OXR1: variants seen among roughly 807,000 people sequenced by gnomAD.
OXR1 encodes oxidation resistance 1, also known as oxidation resistance protein 1.
A neutral mutation model predicts 104.6 loss-of-function variants in OXR1; 41 were observed. That is an observed-to-expected ratio of 0.39 (90% CI 0.31 to 0.51). The LOEUF (loss-of-function observed/expected upper bound fraction) is 0.51, where lower values mean the gene tolerates loss of function less well. Ranked by LOEUF, OXR1 falls within the 20% of genes least tolerant of loss-of-function variation. The pLI, the probability that OXR1 is intolerant of heterozygous loss-of-function variation, is 0.77. For synonymous variants in OXR1, 348 were observed against 348.4 expected, an observed-to-expected ratio of 1.00 and a Z score of 0.01; for missense variants, 955 against 1,031.9, an observed-to-expected ratio of 0.93 and a Z score of 1.02.
chr8:106,657,119 C>G (rs1320694259), intron 3 of OXR1, among the ~76,000 whole-genome samples: 3 of 152,112 alleles, frequency 2.0e-5, no homozygotes, highest in African/African-American at 7.2e-5. Context: ...ACTGTTCTTT[C>G]CCTGTCTAGG....
intron 2 of OXR1, among the ~76,000 whole-genome samples, chr8:106,417,361 C>A (rs1818720810): frequency 6.6e-6 from 1 of 152,100 alleles, no homozygotes; most frequent in Non-Finnish European, 1.5e-5. Context: ...ATGTACACTT[C>A]TTAAAACTAG....
chr8:106,360,301 T>C (rs895783606), intron 2 of OXR1, among the ~76,000 whole-genome samples: 2 of 152,208 alleles, frequency 1.3e-5, no homozygotes, highest in Non-Finnish European at 2.9e-5. Context: ...TTGACTTTTT[T>C]ATATAACGAG....
At chr8:106,490,842 C>T (rs1011653933) in intron 2 of OXR1, among the ~76,000 whole-genome samples, 3 of 151,926 alleles carry the variant, frequency 2.0e-5, no homozygotes, top group South Asian at 4.2e-4. Flanking sequence ...ATGGATTTGG[C>T]GTGTTTAGCG....
At position 106,440,290 on chromosome 8, in the gene OXR1, C is replaced by A. The variant is rs945619369; in HGVS notation, c.24-78653C>A. On this transcript the variant is annotated intron_variant, in intron 2 of 16. Coordinates refer to ENST00000517566, the MANE Select transcript of OXR1 (RefSeq NM_001198533.2). ...AGAAAAGAGTGCAATATTTTCTGGA[C>A]AGTTGTGCTCAGTGCTGCCATATGG... Among the ~76,000 whole-genome samples the A allele has an allele frequency of 2.6e-5, 4 of 152,214 alleles. No individual in the cohort carries two copies. The East Asian group carries it at 7.7e-4, about 29-fold the overall frequency.
intron 11 of OXR1, among the ~76,000 whole-genome samples, chr8:106,718,485 TGTGTAAAGGA>T: frequency 6.6e-6 from 1 of 152,186 alleles, no homozygotes; most frequent in Non-Finnish European, 1.5e-5. Flanking sequence ...CTGCTCACGA[TGTGTAAAGGA>T]CTGAATTTCC....
chr8:106,479,758 A>G (rs1822004388), intron 2 of OXR1, among the ~76,000 whole-genome samples: 1 of 152,078 alleles, frequency 6.6e-6, no homozygotes, highest in Admixed American at 6.6e-5. Context: ...TTTAATCAAT[A>G]TTCACATCTG....
At chr8:106,328,813 C>T (rs1454982424) in intron 1 of OXR1, among the ~76,000 whole-genome samples, 7 of 152,152 alleles carry the variant, frequency 4.6e-5, no homozygotes, top group Admixed American at 4.6e-4. Flanking sequence ...ATTTCTTATT[C>T]CAGAGTCAAT....
intron 1 of OXR1, among the ~76,000 whole-genome samples, chr8:106,347,054 A>G (rs1057403525): frequency 6.6e-6 from 1 of 152,182 alleles, no homozygotes; most frequent in East Asian, 1.9e-4. Context: ...AAGAAAAGAA[A>G]AACAAAAAAG....
At chr8:106,575,459 A>T (rs926676045) in intron 3 of OXR1, among the ~76,000 whole-genome samples, 6 of 152,144 alleles carry the variant, frequency 3.9e-5, no homozygotes, top group African/African-American at 1.4e-4. Context: ...TTGATGACTG[A>T]TGAGACCTCC....
intron 11 of OXR1, among the ~76,000 whole-genome samples, chr8:106,724,275 G>A (rs1833120501): frequency 6.6e-6 from 1 of 152,132 alleles, no homozygotes; most frequent in Admixed American, 6.5e-5. Context: ...GTTTTCAAAA[G>A]TGCTTTGTTT....
At chr8:106,331,935 C>CAAA (rs3073753) in intron 1 of OXR1, among the ~76,000 whole-genome samples, 46 of 139,390 alleles carry the variant, frequency 3.3e-4, no homozygotes, top group African/African-American at 8.3e-4. Context: ...GACTCTGTCT[C>CAAA]AAAAAAAAAA....
intron 3 of OXR1, among the ~76,000 whole-genome samples, chr8:106,606,611 C>A (rs1199449301): frequency 1.3e-5 from 2 of 151,986 alleles, no homozygotes; most frequent in Non-Finnish European, 2.9e-5. Flanking sequence ...TGCACCTGGC[C>A]ACTATGATAC....
At chr8:106,452,965 C>G (rs1038939031) in intron 2 of OXR1, among the ~76,000 whole-genome samples, 3 of 152,230 alleles carry the variant, frequency 2.0e-5, no homozygotes, top group Admixed American at 2.0e-4. Flanking sequence ...GCATCTTGTA[C>G]TAAGCCATAG....
intron 11 of OXR1, among the ~76,000 whole-genome samples, chr8:106,715,435 G>GTATCTTATATATATATA (rs1231921621): frequency 6.8e-6 from 1 of 147,510 alleles, no homozygotes; most frequent in African/African-American, 2.5e-5. Flanking sequence ...ATATATATAT[G>GTATCTTATATATATATA]TATCTTATAT....
chr8:106,532,233 A>C (rs1371648938), intron 3 of OXR1, among the ~76,000 whole-genome samples: 1 of 152,216 alleles, frequency 6.6e-6, no homozygotes, highest in African/African-American at 2.4e-5. Context: ...TTCTAGCATC[A>C]CATGGAGAAT....
At chr8:106,736,166 C>G (rs981610231) in intron 11 of OXR1, among the ~76,000 whole-genome samples, 8 of 25,034 alleles carry the variant, frequency 3.2e-4, no homozygotes, top group Admixed American at 2.3e-3. Context: ...TTATCTGACA[C>G]CCCCCCCCAT....
chr8:106,538,117 C>T (rs958253188), intron 3 of OXR1, among the ~76,000 whole-genome samples: 1 of 152,126 alleles, frequency 6.6e-6, no homozygotes, highest in African/African-American at 2.4e-5. Context: ...GGACCTGGGT[C>T]ACAAATATTC....
intron 2 of OXR1, among the ~76,000 whole-genome samples, chr8:106,457,911 T>G (rs1289833721): frequency 1.3e-5 from 2 of 152,068 alleles, no homozygotes; most frequent in Admixed American, 6.6e-5. Flanking sequence ...TTAAGTAAAA[T>G]TTTGACAGAG....
At chr8:106,709,570 G>A (rs774121554) in intron 9 of OXR1, among the ~76,000 whole-genome samples, 142 of 151,688 alleles carry the variant, frequency 9.4e-4, no homozygotes, top group Admixed American at 1.2e-3. Flanking sequence ...AGCTGATGAT[G>A]TGGTGGACCA....
Sources: allele counts gnomAD v4.1 joint callset (sites outside exome capture counted in the v4.1 genomes callset), GRCh38; gene constraint gnomAD v4.1.1; transcripts MANE v1.5; gene names NCBI Gene and HGNC (gene_info 2026-07-23, HGNC 2026-07-21).